GGA2: variants seen among roughly 807,000 people sequenced by gnomAD.
GGA2 encodes the protein golgi associated, gamma adaptin ear containing, ARF binding protein 2.
GGA2 carries 48 observed loss-of-function variants against 79.5 expected under a neutral mutation model. That is an observed-to-expected ratio of 0.60 (90% confidence interval 0.48 to 0.77). GGA2 has a LOEUF of 0.77. Ranked by LOEUF, GGA2 falls within the 30% of genes least tolerant of loss-of-function variation. GGA2 has a pLI of 0.00. For missense variants in GGA2, 770 were observed against 774.0 expected (o/e 0.99, Z 0.06); for synonymous variants, 317 against 302.0 (o/e 1.05, Z -0.51).
intron 1 of GGA2, among the ~76,000 whole-genome samples, chr16:23,499,992 G>C (rs1964902918): frequency 6.6e-6 from 1 of 152,250 alleles, no homozygotes; most frequent in African/African-American, 2.4e-5. Flanking sequence ...AGAGAGCTCT[G>C]GTGGTTGGCA....
At chr16:23,492,985 GA>G (rs530541358) in intron 4 of GGA2, among the ~76,000 whole-genome samples, 334 of 152,322 alleles carry the variant, frequency 2.2e-3, no homozygotes, top group Non-Finnish European at 3.7e-3. Context: ...GAGACTGGCT[GA>G]GCTAAGACAG....
At chr16:23,475,708 A>G (rs529323514) in intron 13 of GGA2, among the ~76,000 whole-genome samples, 1 of 151,148 alleles carries the variant, frequency 6.6e-6, no homozygotes, top group East Asian at 2.0e-4. Flanking sequence ...GTTCAAGACC[A>G]GCCCGGCCGA....
chr16:23,503,718 C>A (rs138770670), intron 1 of GGA2, among the ~76,000 whole-genome samples: 40 of 152,228 alleles, frequency 2.6e-4, no homozygotes, highest in Non-Finnish European at 4.7e-4. Context: ...AAAAGGAAAA[C>A]GGATTTTCCT....
chr16:23,484,034 A>G (rs1964682121), intron 8 of GGA2, among the ~76,000 whole-genome samples: 1 of 148,128 alleles, frequency 6.8e-6, no homozygotes, highest in African/African-American at 2.5e-5. Context: ...CATGCCTGTA[A>G]TCCCAGCACT....
upstream of GGA2, among the ~76,000 whole-genome samples, chr16:23,513,745 A>G (rs1965087082): frequency 6.7e-6 from 1 of 148,198 alleles, no homozygotes; most frequent in African/African-American, 2.5e-5. Context: ...AGATCACACC[A>G]CTGCACTCCA....
intron 9 of GGA2, among the ~76,000 whole-genome samples, 185 bp downstream of exon 9, chr16:23,482,738 C>G (rs1369981508): frequency 2.0e-5 from 3 of 152,182 alleles, no homozygotes; most frequent in African/African-American, 7.2e-5. Flanking sequence ...CTGCTGATTT[C>G]TTACTGAAGC....
intron 8 of GGA2, among the ~76,000 whole-genome samples, chr16:23,484,964 C>G (rs1444024537): frequency 6.6e-6 from 1 of 152,154 alleles, no homozygotes; most frequent in Admixed American, 6.5e-5. Flanking sequence ...TTCATAATAG[C>G]CAAAAAGTAG....
chr16:23,469,357 A>G (rs2142111880), intron 15 of GGA2: 1 of 220,476 alleles, frequency 4.5e-6, no homozygotes, highest in Middle Eastern at 2.1e-3. Flanking sequence ...TTAACTTATA[A>G]AACAGAGGTA....
chr16:23,492,714 T>C (rs1010734245), intron 4 of GGA2, among the ~76,000 whole-genome samples: 1 of 152,100 alleles, frequency 6.6e-6, no homozygotes, highest in Admixed American at 6.5e-5. Flanking sequence ...TAGGGAATTA[T>C]GGAATATGGG....
intron 13 of GGA2, among the ~76,000 whole-genome samples, chr16:23,476,745 C>T (rs1034887644): frequency 6.6e-6 from 1 of 152,206 alleles, no homozygotes; most frequent in Non-Finnish European, 1.5e-5. Context: ...GGGAGTGGCA[C>T]TTTGCACTTT....
intron 15 of GGA2, 73 bp downstream of exon 15, chr16:23,469,922 AG>A: frequency 9.1e-7 from 1 of 1,096,590 alleles, no homozygotes; most frequent in Non-Finnish European, 1.3e-6. Context: ...GACACTCGAC[AG>A]GTAAGTCCCA....
upstream of GGA2, among the ~76,000 whole-genome samples, chr16:23,515,151 T>TA (rs1403877136): frequency 6.7e-5 from 10 of 149,716 alleles, no homozygotes; most frequent in Non-Finnish European, 1.2e-4. Flanking sequence ...AAAGAGATAA[T>TA]ATATATATAT....
intron 14 of GGA2, among the ~76,000 whole-genome samples, chr16:23,473,901 C>T (rs910704184): frequency 2.6e-5 from 4 of 152,144 alleles, no homozygotes; most frequent in African/African-American, 9.7e-5. Context: ...TGTTTATCAA[C>T]TCTGTTTATT....
chr16:23,465,462 C>CT lies in GGA2; in HGVS notation c.*2127dup, dbSNP rs2142108287. ...TAAGCATAGTAGTACCACTGGGAGT[C>CT]TGTCTCCTCAAAAGCAAGAATGTTC... On this transcript the variant is annotated 3_prime_UTR_variant, in exon 17 of 17. Transcript: ENST00000309859. The CT allele has an allele frequency of 5.7e-6, 4 of 701,692 alleles. No homozygotes were observed. In the Admixed American group the frequency reaches 8.0e-5, roughly 14 times the overall value. 43.5% of individuals were successfully genotyped at this position (701,692 alleles called of 1,614,324 possible). A position where few individuals can be genotyped will look rare whatever the true frequency, so the allele number is the denominator to read the frequency against.
intron 1 of GGA2, among the ~76,000 whole-genome samples, chr16:23,504,094 A>C (rs1464467835): frequency 6.6e-6 from 1 of 152,128 alleles, no homozygotes; most frequent in East Asian, 1.9e-4. Context: ...AAAAAAAAAA[A>C]AAAGTACCTA....
chr16:23,489,683 T>A (rs533373240), intron 5 of GGA2, among the ~76,000 whole-genome samples: 2 of 152,328 alleles, frequency 1.3e-5, no homozygotes, highest in South Asian at 4.1e-4. Context: ...TTAAAAATTG[T>A]CTACAGGCCA....
intron 12 of GGA2, 148 bp downstream of exon 12, chr16:23,478,735 G>C (rs756256475): frequency 2.7e-6 from 2 of 749,822 alleles, no homozygotes; most frequent in Admixed American, 3.9e-5. Flanking sequence ...AGACAGTATG[G>C]GTGAGGAAGA....
chr16:23,490,699 C>G (rs921240188), intron 5 of GGA2, among the ~76,000 whole-genome samples: 5 of 150,248 alleles, frequency 3.3e-5, no homozygotes, highest in African/African-American at 1.2e-4. Context: ...CGCCCCACTG[C>G]ACTCCAGCCT....
At chr16:23,510,906 CGTGTGTGT>C (rs150030103), upstream of GGA2, among the ~76,000 whole-genome samples, 81 of 49,084 alleles carry the variant, frequency 1.7e-3, 2 homozygotes, top group South Asian at 0.012. Context: ...TGGGTTTCAC[CGTGTGTGT>C]GTGTGTGTGT....
Sources: allele counts gnomAD v4.1 joint callset (sites outside exome capture counted in the v4.1 genomes callset), GRCh38; gene constraint gnomAD v4.1.1; transcripts MANE v1.5; gene names NCBI Gene and HGNC (gene_info 2026-07-23, HGNC 2026-07-21).